Variants in PTGDR2 observed in about 807,000 individuals in gnomAD.
PTGDR2 encodes the protein G-protein coupled receptor 44.
For missense variants in PTGDR2, 544 were observed against 576.6 expected, an observed-to-expected ratio of 0.94 and a Z score of 0.58; for synonymous variants, 276 against 278.4, an observed-to-expected ratio of 0.99 and a Z score of 0.09.
rs554187831 is a variant in PTGDR2 at position 60,852,748 on chromosome 11, G to A, written c.975C>T (p.Ser325=). The A allele has an allele frequency of 7.0e-5, 105 of 1,492,810 alleles. 1 individual carries two copies. The South Asian group carries it at 1.3e-3, about 19-fold the overall frequency. 92.5% of individuals were successfully genotyped at this position (1,492,810 alleles called of 1,614,324 possible). Residue 325 remains serine, a synonymous_variant, in exon 2 of 2, where the codon AGC becomes AGT. Transcript: ENST00000332539. ...CCAGCTCGCTGTCGTCCACCAGCAC[G>A]CTCTCCAGCACCGTGCGCAGCGAGC... is the stretch of plus-strand genomic sequence containing the variant. The part of the protein sequence containing the change: ...LRRSLRTVLE[S]VLVDDSELGG...
In PTGDR2 at chr11:60,852,845, G is replaced by A; in HGVS notation, c.878C>T (p.Ala293Val). 3 of 1,555,560 alleles carry A rather than the reference G, an allele frequency of 1.9e-6. No individual in the cohort carries two copies. The highest frequency in any genetic ancestry group is 1.7e-6 in the Non-Finnish European group (2 of 1,150,980). The change falls in exon 2 of 2, where the codon GCC (alanine) becomes GTC (valine). Residue 293 changes from alanine (A) to valine (V), a missense_variant. Transcript: ENST00000332539. ...CGGGTTGGCCACGCTGTTGAAGAAG[G>A]CCAGGCTGGTGACGAAGGGCAGCCC... ...WRGLPFVTSL[A>V]FFNSVANPVL...
In PTGDR2 at chr11:60,853,718, G is replaced by A; in HGVS notation, c.5C>T (p.Ser2Leu). ...GAGTGGCTTCAGTGTGGCGTTGGCCGACATCGTGGGGCTCTGCAGTGGAGG... is the reference window on the plus strand; with the variant it reads ...GAGTGGCTTCAGTGTGGCGTTGGCCAACATCGTGGGGCTCTGCAGTGGAGG... M[S>L]ANATLKPLCP... Residue 2 changes from serine (S) to leucine (L), a missense_variant, in exon 2 of 2, where the codon TCG becomes TTG. Physicochemically the swap from Ser to Leu is moderately radical, Grantham distance 145 (BLOSUM62 -2). Coordinates refer to ENST00000332539, the MANE Select transcript of PTGDR2 (RefSeq NM_004778.3). The A allele has an allele frequency of 3.9e-6, 6 of 1,536,638 alleles. No individual in the cohort carries two copies. Among genetic ancestry groups the A allele is most frequent in the Non-Finnish European group, 5.3e-6 (6 of 1,141,432 alleles).
rs140107997 is a variant in PTGDR2, at chr11:60,853,667, C to G, written c.56G>C (p.Arg19Pro). ...PLCPILEQMS[R>P]LQSHSNTSIR... ...GCTGGTGTTGCTGTGGCTCTGGAGA[C>G]GGCTCATCTGCTCCAGGATGGGGCA... Residue 19 changes from arginine (R) to proline (P), a missense_variant, in exon 2 of 2, where the codon CGT becomes CCT. Coordinates refer to ENST00000332539, the MANE Select transcript of PTGDR2 (RefSeq NM_004778.3). 9.5e-5 allele frequency: 148 copies of G among 1,558,276 alleles called. No homozygotes were observed. The highest frequency in any genetic ancestry group is 1.2e-4 in the Non-Finnish European group (142 of 1,151,358).
At chr11:60,854,138 C>T (rs1056940132) in intron 1 of PTGDR2, among the ~76,000 whole-genome samples, 2 of 152,196 alleles carry the variant, frequency 1.3e-5, no homozygotes, top group Non-Finnish European at 2.9e-5. Context: ...TCCTTTTTCC[C>T]ATCCCCAGAG....
In PTGDR2 at chr11:60,852,270, T is replaced by C. The variant is rs910391460; in HGVS notation, c.*265A>G. The C allele has an allele frequency of 2.4e-5, 9 of 376,660 alleles. No homozygotes were observed. Among genetic ancestry groups the C allele is most frequent in the Admixed American group, 4.6e-5 (1 of 21,884 alleles). 23.3% of individuals were successfully genotyped at this position (376,660 alleles called of 1,614,324 possible). On this transcript the variant is annotated 3_prime_UTR_variant, in exon 2 of 2. Coordinates refer to ENST00000332539, the MANE Select transcript of PTGDR2 (RefSeq NM_004778.3). ...CTGGGAGCTTGTTAAGTGCAGACTC[T>C]CAGTACCCGGCCCCGGCCTCCTGGA...
In PTGDR2 at chr11:60,855,579, G is replaced by A. The variant is rs534905481; in HGVS notation, c.-10+290C>T. On this transcript the variant is annotated intron_variant, in intron 1 of 1. Coordinates refer to ENST00000332539, the MANE Select transcript of PTGDR2 (RefSeq NM_004778.3). ...CCCAGCTCCTCAGCTTCCTGGCTGCGTGACCTTGGGCCAGTTACTCTAAGC... is the reference window on the plus strand; with the variant it reads ...CCCAGCTCCTCAGCTTCCTGGCTGCATGACCTTGGGCCAGTTACTCTAAGC... Among the ~76,000 whole-genome samples, 8 of 151,944 alleles carry A rather than the reference G, an allele frequency of 5.3e-5. No individual in the cohort carries two copies. In the South Asian group the frequency reaches 8.3e-4, roughly 16 times the overall value.
chr11:60,853,712 T>A lies in PTGDR2; in HGVS notation c.11A>T (p.Asn4Ile). The A allele has an allele frequency of 3.9e-6, 6 of 1,540,460 alleles. No homozygotes were observed. Among genetic ancestry groups the A allele is most frequent in the Non-Finnish European group, 5.2e-6 (6 of 1,142,868 alleles). Residue 4 changes from asparagine (N) to isoleucine (I), a missense_variant, in exon 2 of 2, where the codon AAC becomes ATC. Asn to Ile is a moderately radical substitution (Grantham distance 149, BLOSUM62 -3). Coordinates refer to ENST00000332539, the MANE Select transcript of PTGDR2 (RefSeq NM_004778.3). ...GGGGCAGAGTGGCTTCAGTGTGGCG[T>A]TGGCCGACATCGTGGGGCTCTGCAG... The part of the protein sequence containing the change: MSA[N>I]ATLKPLCPIL...
chr11:60,853,040 G>A lies in PTGDR2; in HGVS notation c.683C>T (p.Ala228Val). The A allele has an allele frequency of 3.8e-6, 6 of 1,563,744 alleles. No individual in the cohort carries two copies. Among genetic ancestry groups the A allele is most frequent in the Non-Finnish European group, 5.2e-6 (6 of 1,158,300 alleles). ...PLAIIASSHA[A>V]VSLRLQHRGR... ...GCGGTGCTGCAACCGCAGGCTCACG[G>A]CCGCGTGGCTCGAGGCGATGATCGC... The change falls in exon 2 of 2, where the codon GCC (alanine) becomes GTC (valine). Residue 228 changes from alanine (A) to valine (V), a missense_variant. By Grantham distance (64) the Ala-to-Val change is moderately conservative. Transcript: ENST00000332539.
At chr11:60,853,824 T>C in intron 1 of PTGDR2, 93 bp from the exon 2 acceptor site, 1 of 967,616 alleles carries the variant, frequency 1.0e-6, no homozygotes, top group Non-Finnish European at 1.5e-6. Flanking sequence ...GCCCAGGAGA[T>C]GCCAATGTGA....
chr11:60,853,781 G>A (rs1855319187), intron 1 of PTGDR2, 50 bp from the exon 2 acceptor site: 4 of 1,428,440 alleles, frequency 2.8e-6, no homozygotes, highest in Non-Finnish European at 3.7e-6. Flanking sequence ...GAGGCCACCG[G>A]GGAACCAAGA....
Position 60,852,489 on chromosome 11 carries a change from C to G in PTGDR2, c.*46G>C. ...GGATATCGAATTGAACCGCGGCACC[C>G]TGGTGATACTTTCGCGTGTGAGTGC... On this transcript the variant is annotated 3_prime_UTR_variant, in exon 2 of 2. Coordinates refer to ENST00000332539, the MANE Select transcript of PTGDR2 (RefSeq NM_004778.3). The G allele has an allele frequency of 8.1e-7, 1 of 1,242,226 alleles. No homozygotes were observed. The highest frequency in any genetic ancestry group is 1.6e-5 in the African/African-American group (1 of 64,422). 77.0% of individuals were successfully genotyped at this position (1,242,226 alleles called of 1,614,324 possible). A position where few individuals can be genotyped will look rare whatever the true frequency, so the allele number is the denominator to read the frequency against.
chr11:60,852,424 G>A lies in PTGDR2; in HGVS notation c.*111C>T, dbSNP rs41362444. On this transcript the variant is annotated 3_prime_UTR_variant, in exon 2 of 2. Coordinates refer to ENST00000332539, the MANE Select transcript of PTGDR2 (RefSeq NM_004778.3). ...GGGCGCTTTAAAATGCAGGTGCCTG[G>A]GTCCCGCCCCTCGGACTTTGATCAC... 1.0e-3 allele frequency: 987 copies of A among 971,518 alleles called. 32 individuals are homozygous for A. The South Asian group carries it at 0.046, about 46-fold the overall frequency. 60.2% of individuals were successfully genotyped at this position (971,518 alleles called of 1,614,324 possible).
At chr11:60,854,291 CAGT>C (rs1421732587) in intron 1 of PTGDR2, among the ~76,000 whole-genome samples, 2 of 152,206 alleles carry the variant, frequency 1.3e-5, no homozygotes, top group Non-Finnish European at 2.9e-5. Flanking sequence ...TCCCCGCACT[CAGT>C]GGTGGCTGGT....
chr11:60,853,129 C>T lies in PTGDR2; in HGVS notation c.594G>A (p.Thr198=), dbSNP rs1855304934. ...LLNPGPDRDA[T]CNSRQVALAV... ...CCAGGGCCACCTGCCGCGAGTTGCA[C>T]GTGGCATCGCGGTCAGGCCCCGGGT... Residue 198 remains threonine, a synonymous_variant, in exon 2 of 2, where the codon ACG becomes ACA. Transcript: ENST00000332539. 1 of 1,606,776 alleles carries T rather than the reference C, an allele frequency of 6.2e-7. No homozygotes were observed. The highest frequency in any genetic ancestry group is 1.3e-5 in the African/African-American group (1 of 74,898).
Position 60,852,735 on chromosome 11 carries a change from C to G in PTGDR2, c.988G>C (p.Asp330His), listed in dbSNP as rs1335893919. Reference sequence around the variant, plus strand: ...CTTCCCGCGCCACCCAGCTCGCTGTCGTCCACCAGCACGCTCTCCAGCACC... The same window carrying G: ...CTTCCCGCGCCACCCAGCTCGCTGTGGTCCACCAGCACGCTCTCCAGCACC... ...RTVLESVLVD[D>H]SELGGAGSSR... The change falls in exon 2 of 2, where the codon GAC becomes CAC. Residue 330 changes from aspartate to histidine, a missense_variant. Asp to His is a moderately conservative substitution (Grantham distance 81, BLOSUM62 -1). Transcript: ENST00000332539. 6.7e-7 allele frequency: 1 copy of G among 1,486,570 alleles called. No homozygotes were observed. The highest frequency in any genetic ancestry group is 2.8e-5 in the East Asian group (1 of 35,570). 92.1% of individuals were successfully genotyped at this position (1,486,570 alleles called of 1,614,324 possible).
In PTGDR2 at chr11:60,853,435, C is replaced by T. The variant is rs778529396; in HGVS notation, c.288G>A (p.Ser96=). The change falls in exon 2 of 2, where the codon TCG becomes TCA. Residue 96 remains serine (S), a synonymous_variant. Coordinates refer to ENST00000332539, the MANE Select transcript of PTGDR2 (RefSeq NM_004778.3). ...FFTYFLAVGH[S]WELGTTFCKL... is the part of the protein sequence containing the mutation. ...TGCAGAAGGTGGTGCCCAGCTCCCA[C>T]GAGTGGCCCACGGCCAAGAAGTAGG... 2.5e-6 allele frequency: 4 copies of T among 1,575,564 alleles called. No homozygotes were observed. Among genetic ancestry groups the T allele is most frequent in the South Asian group, 1.2e-5 (1 of 86,104 alleles).
Position 60,852,715 on chromosome 11 carries a change from C to G in PTGDR2, c.1008G>C (p.Ala336=), listed in dbSNP as rs950965420. ...AGGTGCGGCGGCGGCGGCTGCTTCC[C>G]GCGCCACCCAGCTCGCTGTCGTCCA... ...VLVDDSELGG[A]GSSRRRRTSS... Residue 336 remains alanine (A), a synonymous_variant, in exon 2 of 2, where the codon GCG becomes GCC. Transcript: ENST00000332539. The G allele has an allele frequency of 3.4e-6, 5 of 1,458,514 alleles. No homozygotes were observed. Among genetic ancestry groups the G allele is most frequent in the South Asian group, 1.3e-5 (1 of 74,570 alleles). 90.3% of individuals were successfully genotyped at this position (1,458,514 alleles called of 1,614,324 possible). A position where few individuals can be genotyped will look rare whatever the true frequency, so the allele number is the denominator to read the frequency against.
In PTGDR2 at chr11:60,852,927, T is replaced by C; in HGVS notation, c.796A>G (p.Ser266Gly). ...GCGTGCGCCCGCGCCTCCAGCAGGCTGAACACGTGGTAGGGCCCCCAGCAG... is the reference window on the plus strand; with the variant it reads ...GCGTGCGCCCGCGCCTCCAGCAGGCCGAACACGTGGTAGGGCCCCCAGCAG... ...ALCWGPYHVF[S>G]LLEARAHANP... Residue 266 changes from serine (S) to glycine (G), a missense_variant, in exon 2 of 2, where the codon AGC becomes GGC. Coordinates refer to ENST00000332539, the MANE Select transcript of PTGDR2 (RefSeq NM_004778.3). 1 of 1,503,148 alleles carries C rather than the reference T, an allele frequency of 6.7e-7. No individual in the cohort carries two copies. The highest frequency in any genetic ancestry group is 8.9e-7 in the Non-Finnish European group (1 of 1,122,326). The allele number at this position is 1,503,148 out of a possible 1,614,324, so 93.1% of individuals were successfully genotyped here.
rs1438630116 is a variant in PTGDR2 at position 60,853,174 on chromosome 11, G to GT, written c.548dup (p.Tyr183Ter). ...ISRLDGRIMC[Y>*]YNVLLLNPGP... ...CCGGGTTCAGGAGCAGCACATTGTA[G>GT]TAGCACATAATGCGCCCGTCCAGCC... Residue 183 changes from tyrosine to a stop codon, truncating the protein, a stop_gained and frameshift_variant, in exon 2 of 2, where the codon TAC (tyrosine) becomes TAAC (stop). Coordinates refer to ENST00000332539, the MANE Select transcript of PTGDR2 (RefSeq NM_004778.3). LOFTEE classifies it low-confidence loss of function (END_TRUNC). The GT allele has an allele frequency of 1.2e-6, 2 of 1,609,928 alleles. No individual in the cohort carries two copies. The highest frequency in any genetic ancestry group is 8.5e-7 in the Non-Finnish European group (1 of 1,179,888).
Sources: gnomAD v4.1 joint callset for allele counts (sites outside exome capture counted in the v4.1 genomes callset) on GRCh38, gnomAD v4.1.1 for gene constraint, MANE v1.5 for transcripts, NCBI Gene and HGNC (gene_info 2026-07-23, HGNC 2026-07-21) for gene names.